MYO5A: variants seen among roughly 807,000 people sequenced by gnomAD.
MYO5A encodes myosin VA.
A neutral mutation model predicts 249.7 loss-of-function variants in MYO5A; 98 were observed. The observed-to-expected ratio is 0.39, with a 90% CI of 0.33 to 0.46. The LOEUF is 0.46. Among genes scored for constraint, MYO5A ranks in the 20% least tolerant of loss-of-function variants. The pLI is 0.98. For missense variants in MYO5A, 1,696 were observed against 2,308.8 expected, an observed-to-expected ratio of 0.73 and a Z score of 5.44; for synonymous variants, 778 against 810.6, an observed-to-expected ratio of 0.96 and a Z score of 0.68.
chr15:52,388,341 A>C (rs2042058234), intron 13 of MYO5A, among the ~76,000 whole-genome samples: 1 of 152,234 alleles, frequency 6.6e-6, no homozygotes, highest in Non-Finnish European at 1.5e-5. Context: ...ATGGGGACAG[A>C]GGTGAAAAGC....
At chr15:52,449,878 G>A (rs572757961) in intron 1 of MYO5A, among the ~76,000 whole-genome samples, 6 of 152,164 alleles carry the variant, frequency 3.9e-5, no homozygotes, top group Non-Finnish European at 8.8e-5. Context: ...GCACATGCCT[G>A]CAGTCCCAGC....
chr15:52,336,149 A>T (rs1260323479), intron 34 of MYO5A, among the ~76,000 whole-genome samples: 4 of 152,190 alleles, frequency 2.6e-5, no homozygotes, highest in Admixed American at 6.5e-5. Flanking sequence ...TGAACCCAAG[A>T]AGCTTGACTC....
chr15:52,359,378 T>TA (rs1362923806), intron 25 of MYO5A, among the ~76,000 whole-genome samples: 2 of 152,224 alleles, frequency 1.3e-5, no homozygotes, highest in Non-Finnish European at 2.9e-5. Flanking sequence ...CTCTTGGAGT[T>TA]ACAGTAATAC....
In MYO5A at chr15:52,432,623, T is replaced by C. The variant is rs2075566039; in HGVS notation, c.138+552A>G. ...ATCACCTGCCAACCCATAGGGTTGG[T>C]GTGAAATTTAACGTGAGAAAATTCA... On this transcript the variant is annotated intron_variant, in intron 2 of 41. Transcript: ENST00000399233. Among the ~76,000 whole-genome samples the C allele has an allele frequency of 2.0e-5, 3 of 152,344 alleles. No homozygotes were observed. In the South Asian group the frequency reaches 6.2e-4, roughly 32 times the overall value.
At chr15:52,486,968 T>A (rs1463155442) in intron 1 of MYO5A, among the ~76,000 whole-genome samples, 1 of 152,238 alleles carries the variant, frequency 6.6e-6, no homozygotes, top group African/African-American at 2.4e-5. Flanking sequence ...GAATGAGTAT[T>A]TGTGTTATGT....
intron 1 of MYO5A, among the ~76,000 whole-genome samples, chr15:52,458,557 C>A (rs55774735): frequency 0.15 from 22,813 of 151,806 alleles, 1,822 homozygotes; most frequent in Middle Eastern, 0.22. Flanking sequence ...GAAGTCAAGG[C>A]TGCAGTGAGC....
At position 52,392,071 on chromosome 15, in the gene MYO5A, C is replaced by T; in HGVS notation, c.1402-1G>A. Reference sequence around the variant, plus strand: ...CTTCTTGCTCCAATTTGAAGACATGCTGAAATGAAAAAGAAAAAAAGCAGT... The same window carrying T: ...CTTCTTGCTCCAATTTGAAGACATGTTGAAATGAAAAAGAAAAAAAGCAGT... On this transcript the variant is annotated splice_acceptor_variant, in intron 11 of 41. Transcript: ENST00000399233. LOFTEE classifies it high-confidence loss of function. 6.2e-7 allele frequency: 1 copy of T among 1,609,400 alleles called. No individual in the cohort carries two copies. Among genetic ancestry groups the T allele is most frequent in the Non-Finnish European group, 8.5e-7 (1 of 1,178,536 alleles).
rs925901301 is a variant in MYO5A at position 52,312,050 on chromosome 15, T to C, written c.*1646A>G. The C allele has an allele frequency of 6.6e-6, 1 of 152,500 alleles. No homozygotes were observed. The highest frequency in any genetic ancestry group is 2.1e-4 in the South Asian group (1 of 4,826). 9.4% of individuals were successfully genotyped at this position (152,500 alleles called of 1,614,324 possible). ...TTTGTGCAACCTGAAGGATTTATTG[T>C]ATAAGATTCCTAAGAAAAATGGTGA... is the stretch of plus-strand genomic sequence containing the variant. On this transcript the variant is annotated 3_prime_UTR_variant, in exon 42 of 42. Transcript: ENST00000399233.
At chr15:52,345,728 C>A (rs2039591345) in intron 30 of MYO5A, among the ~76,000 whole-genome samples, 2 of 152,154 alleles carry the variant, frequency 1.3e-5, no homozygotes, top group Non-Finnish European at 2.9e-5. Flanking sequence ...GGGCTGACTG[C>A]ACCTTTCTTT....
chr15:52,459,976 G>A (rs2076209814), intron 1 of MYO5A, among the ~76,000 whole-genome samples: 2 of 151,806 alleles, frequency 1.3e-5, no homozygotes, highest in Admixed American at 6.6e-5. Flanking sequence ...ACGGGGTGGC[G>A]GCGGGGCAGA....
intron 30 of MYO5A, among the ~76,000 whole-genome samples, chr15:52,345,348 G>A (rs1388596491): frequency 2.6e-5 from 4 of 152,092 alleles, no homozygotes; most frequent in South Asian, 2.1e-4. Context: ...TTGGGAGGCC[G>A]AAGCGGGTGG....
intron 1 of MYO5A, among the ~76,000 whole-genome samples, chr15:52,500,409 C>G (rs979294881): frequency 6.8e-6 from 1 of 147,202 alleles, no homozygotes; most frequent in Non-Finnish European, 1.5e-5. Flanking sequence ...TGCAATAGCA[C>G]GATCTCAGCT....
chr15:52,403,184 T>C (rs2042837608), intron 9 of MYO5A, among the ~76,000 whole-genome samples: 1 of 152,150 alleles, frequency 6.6e-6, no homozygotes, highest in Non-Finnish European at 1.5e-5. Flanking sequence ...AAGCTTGACA[T>C]TTGGGGAAAG....
intron 34 of MYO5A, among the ~76,000 whole-genome samples, chr15:52,331,332 A>C (rs1228183047): frequency 6.6e-6 from 1 of 152,156 alleles, no homozygotes; most frequent in Non-Finnish European, 1.5e-5. Context: ...AATTATGCTA[A>C]AGGTTAAAAA....
rs1187008170 is a variant in MYO5A, at chr15:52,353,656, T to C, written c.3570A>G (p.Glu1190=). 1 of 1,613,378 alleles carries C rather than the reference T, an allele frequency of 6.2e-7. No homozygotes were observed. The highest frequency in any genetic ancestry group is 2.2e-5 in the East Asian group (1 of 44,880). ...EEQVLRSKAK[E]EERPQIRGAE... ...CACCTCTAATTTGTGGTCTTTCTTC[T>C]TCCTAGGGAAAAGTTAAAGTTTTAT... Residue 1190 remains glutamate (E), a splice_region_variant and synonymous_variant, in exon 27 of 42, where the codon GAA becomes GAG. Coordinates refer to ENST00000399233, the MANE Select transcript of MYO5A (RefSeq NM_001382347.1).
chr15:52,315,227 G>C (rs1305494512), intron 40 of MYO5A, among the ~76,000 whole-genome samples: 1 of 152,224 alleles, frequency 6.6e-6, no homozygotes, highest in African/African-American at 2.4e-5. Context: ...CTTCTATAAA[G>C]TTGGGCTTCC....
intron 4 of MYO5A, 134 bp from the exon 5 acceptor site, chr15:52,416,435 C>T: frequency 8.2e-6 from 7 of 851,024 alleles, no homozygotes; most frequent in Non-Finnish European, 1.1e-5. Context: ...CTTATAACAC[C>T]AAGGTCTCAG....
chr15:52,327,920 G>A lies in MYO5A; in HGVS notation c.4642C>T (p.Leu1548=), dbSNP rs970006462. The change falls in exon 36 of 42, where the codon CTG becomes TTG. Residue 1548 remains leucine (L), a synonymous_variant. Transcript: ENST00000399233. ...GACCTTACTTTCTGATCATCATTCAGGTAGTCAGCATGTCGAACACACATG... is the reference window on the plus strand; with the variant it reads ...GACCTTACTTTCTGATCATCATTCAAGTAGTCAGCATGTCGAACACACATG... ...LFMCVRHADY[L]NDDQKVRSLL... is the part of the protein sequence containing the mutation. 1 of 1,613,514 alleles carries A rather than the reference G, an allele frequency of 6.2e-7. No individual in the cohort carries two copies. The highest frequency in any genetic ancestry group is 1.1e-5 in the South Asian group (1 of 91,056).
At chr15:52,367,870 A>AACACAC (rs3985806) in intron 22 of MYO5A, among the ~76,000 whole-genome samples, 9,427 of 141,774 alleles carry the variant, frequency 0.066, 315 homozygotes, top group African/African-American at 0.091. Context: ...TATATTTTAA[A>AACACAC]ACACACACAC....
Sources: gnomAD v4.1 joint callset for allele counts (sites outside exome capture counted in the v4.1 genomes callset) on GRCh38, gnomAD v4.1.1 for gene constraint, MANE v1.5 for transcripts, NCBI Gene and HGNC (gene_info 2026-07-23, HGNC 2026-07-21) for gene names.